Variants in SLC17A9 observed in about 807,000 individuals in gnomAD.
The protein encoded by SLC17A9 is voltage-gated purine nucleotide uniporter SLC17A9.
SLC17A9 carries 49 observed loss-of-function variants against 55.0 expected under a neutral mutation model. That is an observed-to-expected ratio of 0.89 (90% CI 0.71 to 1.13). The LOEUF (loss-of-function observed/expected upper bound fraction) is 1.13. SLC17A9 is among the 50% of genes most tolerant of loss of function. The pLI, the probability that SLC17A9 is intolerant of heterozygous loss-of-function variation, is 0.00. For synonymous variants in SLC17A9, 256 were observed against 247.4 expected (o/e 1.03, Z -0.32); for missense variants, 526 against 569.3 (o/e 0.92, Z 0.77).
At chr20:62,955,280 T>C (rs2065527228) in intron 1 of SLC17A9, among the ~76,000 whole-genome samples, 1 of 151,436 alleles carries the variant, frequency 6.6e-6, no homozygotes, top group African/African-American at 2.4e-5. Flanking sequence ...CCCAAGTAGC[T>C]GGGATTACAG....
chr20:62,956,018 G>C (rs1337295810), intron 1 of SLC17A9, among the ~76,000 whole-genome samples: 1 of 152,268 alleles, frequency 6.6e-6, no homozygotes, highest in African/African-American at 2.4e-5. Flanking sequence ...GCCCTGCCGT[G>C]GGGAGGGGCT....
intron 4 of SLC17A9, among the ~76,000 whole-genome samples, chr20:62,960,996 GCC>G (rs2065585074): frequency 6.6e-6 from 1 of 152,032 alleles, no homozygotes; most frequent in African/African-American, 2.4e-5. Flanking sequence ...GCCAGGGTGG[GCC>G]TATCAGCTGG....
intron 1 of SLC17A9, chr20:62,953,327 A>G (rs541519728): frequency 5.9e-6 from 9 of 1,525,544 alleles, no homozygotes; most frequent in African/African-American, 1.4e-5. Flanking sequence ...GGGTCCTGCC[A>G]CCACGTGCCA....
In SLC17A9 at chr20:62,962,808, C is replaced by CT. The variant is rs1310271661; in HGVS notation, c.628+55dup. 1.9e-6 allele frequency: 3 copies of CT among 1,602,108 alleles called. No individual in the cohort carries two copies. The highest frequency in any genetic ancestry group is 2.6e-6 in the Non-Finnish European group (3 of 1,173,402). On this transcript the variant is annotated intron_variant, in intron 5 of 12. Coordinates refer to ENST00000370351, the MANE Select transcript of SLC17A9 (RefSeq NM_022082.4). This position sits in a 1 kb window ranked among gnomAD's most constrained non-coding sequence, Gnocchi z 5.5. ...GGCGCCCACAGCTGCCCAGTGCCTC[C>CT]TCCCCTGGTGGCAGCCGCTGAGCAG...
rs764406393 is a variant in SLC17A9 at position 62,963,697 on chromosome 20, C to T, written c.822+17C>T. ...GACGCCAAGGTGAGTCGGGGGCTCC[C>T]GCAGGGTGAAGGAGCGCCCAGAAGG... On this transcript the variant is annotated intron_variant, in intron 7 of 12. Transcript: ENST00000370351. The T allele has an allele frequency of 1.6e-5, 25 of 1,568,522 alleles. No individual in the cohort carries two copies. Among genetic ancestry groups the T allele is most frequent in the East Asian group, 4.7e-5 (2 of 42,940 alleles).
rs767790015 is a variant in SLC17A9 at position 62,966,627 on chromosome 20, G to C, written c.1117+47G>C. 18 of 1,613,706 alleles carry C rather than the reference G, an allele frequency of 1.1e-5. No homozygotes were observed. In the East Asian group the frequency reaches 3.6e-4, roughly 32 times the overall value. On this transcript the variant is annotated intron_variant, in intron 11 of 12. Coordinates refer to ENST00000370351, the MANE Select transcript of SLC17A9 (RefSeq NM_022082.4). ...AGCTTTGCCCCTCCCTGGGCCTCCG[G>C]GTGGGTGAGCCATGGGGGATCCCGG...
chr20:62,955,158 A>G (rs1328355459), intron 1 of SLC17A9, among the ~76,000 whole-genome samples: 5 of 147,342 alleles, frequency 3.4e-5, no homozygotes, highest in Non-Finnish European at 6.0e-5. Context: ...TTTGAGATGG[A>G]GTCTCGCTAG....
In SLC17A9 at chr20:62,966,560, C is replaced by T; in HGVS notation, c.1097C>T (p.Ser366Phe). The change falls in exon 11 of 13, where the codon TCC (serine) becomes TTC (phenylalanine). Residue 366 changes from serine to phenylalanine, a missense_variant. Ser to Phe is a radical substitution (Grantham distance 155). Coordinates refer to ENST00000370351, the MANE Select transcript of SLC17A9 (RefSeq NM_022082.4). The part of the protein sequence containing the change: ...ISVNIQDLAP[S>F]CAGFLFGVAN... Reference sequence around the variant, plus strand: ...GTTAACATCCAGGACTTGGCCCCGTCCTGCGCCGGCTTTCTGTTTGGTGAG... The same window carrying T: ...GTTAACATCCAGGACTTGGCCCCGTTCTGCGCCGGCTTTCTGTTTGGTGAG... 1 of 1,611,552 alleles carries T rather than the reference C, an allele frequency of 6.2e-7. No homozygotes were observed. Among genetic ancestry groups the T allele is most frequent in the Non-Finnish European group, 8.5e-7 (1 of 1,179,200 alleles).
chr20:62,953,892 G>C (rs2065512624), intron 1 of SLC17A9, among the ~76,000 whole-genome samples: 1 of 152,254 alleles, frequency 6.6e-6, no homozygotes, highest in African/African-American at 2.4e-5. Context: ...AATTAGAGGG[G>C]AGGGCTGCCC....
At chr20:62,966,007 G>A (rs553320776) in intron 10 of SLC17A9, among the ~76,000 whole-genome samples, 9 of 152,362 alleles carry the variant, frequency 5.9e-5, no homozygotes, top group South Asian at 2.1e-4. Flanking sequence ...CCATGAAGAC[G>A]GGCAGCTGGG....
chr20:62,964,283 G>C lies in SLC17A9; in HGVS notation c.878G>C (p.Ser293Thr). The C allele has an allele frequency of 6.2e-7, 1 of 1,614,210 alleles. No homozygotes were observed. The highest frequency in any genetic ancestry group is 8.5e-7 in the Non-Finnish European group (1 of 1,180,018). The stretch of plus-strand genomic sequence containing the variant: ...GTGGCGATTCCGGCCAGTCTATTCA[G>C]CGGGTTTCTCTCTGATCATCTCATC... ...WLVAIPASLF[S>T]GFLSDHLINQ... Residue 293 changes from serine to threonine, a missense_variant, in exon 8 of 13, where the codon AGC (serine) becomes ACC (threonine). Transcript: ENST00000370351.
At position 62,964,368 on chromosome 20, in the gene SLC17A9, C is replaced by A. The variant is rs1355928284; in HGVS notation, c.910+53C>A. 8 of 1,568,120 alleles carry A rather than the reference C, an allele frequency of 5.1e-6. No homozygotes were observed. In the South Asian group the frequency reaches 7.8e-5, roughly 15 times the overall value. On this transcript the variant is annotated intron_variant, in intron 8 of 12. Transcript: ENST00000370351. Reference sequence around the variant, plus strand: ...GGAAGCCACACCCTGGTTCACCTCGCTTTCGAGGGGCAGGATGCTCCCATC... The same window carrying A: ...GGAAGCCACACCCTGGTTCACCTCGATTTCGAGGGGCAGGATGCTCCCATC...
chr20:62,964,059 C>A, intron 7 of SLC17A9, 169 bp from the exon 8 acceptor site: 1 of 708,984 alleles, frequency 1.4e-6, no homozygotes, highest in South Asian at 1.7e-5. Flanking sequence ...GTCTTGCTGC[C>A]CTGCCGGGTG....
rs1284541139 is a variant in SLC17A9 at position 62,957,543 on chromosome 20, C to G, written c.360C>G (p.Phe120Leu). Reference sequence around the variant, plus strand: ...ACCTGAGCAGTGCCCACCTGGCCTTCATGACCTTCTCACGCATCCTCATGG... The same window carrying G: ...ACCTGAGCAGTGCCCACCTGGCCTTGATGACCTTCTCACGCATCCTCATGG... ...LAHLSSAHLAFMTFSRILMGL... is the reference protein window; with the variant it reads ...LAHLSSAHLALMTFSRILMGL... Residue 120 changes from phenylalanine to leucine, a missense_variant, in exon 3 of 13, where the codon TTC becomes TTG. Physicochemically the swap from Phe to Leu is conservative, Grantham distance 22. Coordinates refer to ENST00000370351, the MANE Select transcript of SLC17A9 (RefSeq NM_022082.4). 11 of 1,600,100 alleles carry G rather than the reference C, an allele frequency of 6.9e-6. No homozygotes were observed. The highest frequency in any genetic ancestry group is 9.4e-6 in the Non-Finnish European group (11 of 1,174,506).
intron 3 of SLC17A9, among the ~76,000 whole-genome samples, chr20:62,957,844 C>G (rs564782590): frequency 7.7e-6 from 1 of 129,428 alleles, no homozygotes; most frequent in Non-Finnish European, 1.7e-5. Context: ...TGCATGCGTG[C>G]ACCTGTGCGT....
chr20:62,954,430 T>C (rs1264681858), intron 1 of SLC17A9, among the ~76,000 whole-genome samples: 1 of 152,246 alleles, frequency 6.6e-6, no homozygotes, highest in Admixed American at 6.5e-5. Flanking sequence ...ACCTGTTTGC[T>C]CAGCCGTGGA....
At position 62,965,173 on chromosome 20, in the gene SLC17A9, GA is replaced by G; in HGVS notation, c.945+9del. On this transcript the variant is annotated splice_region_variant and intron_variant, in intron 9 of 12. Coordinates refer to ENST00000370351, the MANE Select transcript of SLC17A9 (RefSeq NM_022082.4). ...GGTGCGGAAGCTCATGCAGGTAGGAGAATCATTCCGGTCGTTCTCTCTGGAT... is the reference window on the plus strand; with the variant it reads ...GGTGCGGAAGCTCATGCAGGTAGGAGATCATTCCGGTCGTTCTCTCTGGAT... 6.2e-7 allele frequency: 1 copy of G among 1,614,154 alleles called. No homozygotes were observed. Among genetic ancestry groups the G allele is most frequent in the Non-Finnish European group, 8.5e-7 (1 of 1,180,034 alleles).
rs374526505 is a variant in SLC17A9, at chr20:62,968,878, A to G, written c.*1378A>G. On this transcript the variant is annotated 3_prime_UTR_variant, in exon 13 of 13. Transcript: ENST00000370351. ...AGCTTTCCCAAGATGTGGGGCCCCCATGGAGTCAGACAGCCCAGCTGTGCT... is the reference window on the plus strand; with the variant it reads ...AGCTTTCCCAAGATGTGGGGCCCCCGTGGAGTCAGACAGCCCAGCTGTGCT... 6.6e-6 allele frequency: 1 copy of G among 152,240 alleles called. No homozygotes were observed. The highest frequency in any genetic ancestry group is 2.4e-5 in the African/African-American group (1 of 41,458). 9.4% of individuals were successfully genotyped at this position (152,240 alleles called of 1,614,324 possible).
rs1352073089 is a variant in SLC17A9, at chr20:62,962,543, C to T, written c.498-81C>T. On this transcript the variant is annotated intron_variant, in intron 4 of 12. Transcript: ENST00000370351. This position sits in a 1 kb window ranked among gnomAD's most constrained non-coding sequence, Gnocchi z 5.5. ...TCTTCTCCAGGGGCTCAGCCTGCAC[C>T]AGGGTGGGGTTTCTGAGAGGCCCCT... 4.5e-6 allele frequency: 7 copies of T among 1,538,462 alleles called. No homozygotes were observed. Among genetic ancestry groups the T allele is most frequent in the Non-Finnish European group, 6.1e-6 (7 of 1,141,700 alleles).
Sources: gnomAD v4.1 joint callset for allele counts (sites outside exome capture counted in the v4.1 genomes callset) on GRCh38, gnomAD v4.1.1 for gene constraint, Gnocchi (gnomAD v3.1) non-coding constraint, MANE v1.5 for transcripts, NCBI Gene and HGNC (gene_info 2026-07-23, HGNC 2026-07-21) for gene names.